Variants in AFDN observed in about 807,000 individuals in gnomAD.
AFDN encodes afadin.
AFDN carries 68 observed loss-of-function variants against 216.6 expected under a neutral mutation model. That is an observed-to-expected ratio of 0.31 (90% CI 0.26 to 0.38). The LOEUF (loss-of-function observed/expected upper bound fraction) is 0.38, where lower values mean the gene tolerates loss of function less well. Ranked by LOEUF, AFDN falls within the 10% of genes least tolerant of loss-of-function variation. The pLI, the probability that AFDN is intolerant of heterozygous loss-of-function variation, is 1.00. For missense variants in AFDN, 2,136 were observed against 2,342.0 expected (o/e 0.91, Z 1.82); for synonymous variants, 868 against 853.7 (o/e 1.02, Z -0.29).
At position 167,951,499 on chromosome 6, in the gene AFDN, A is replaced by G. The variant is rs745447010; in HGVS notation, c.4145A>G (p.Tyr1382Cys). 5 of 1,613,826 alleles carry G rather than the reference A, an allele frequency of 3.1e-6. No homozygotes were observed. In the African/African-American group the frequency reaches 5.3e-5, roughly 17 times the overall value. Residue 1382 changes from tyrosine to cysteine, a missense_variant, in exon 30 of 34, where the codon TAT (tyrosine) becomes TGT (cysteine). By Grantham distance (194) the Tyr-to-Cys change is radical. Coordinates refer to ENST00000683244, the MANE Select transcript of AFDN (RefSeq NM_001386888.1). The surrounding 1 kb of genome is among the most constrained non-coding windows in gnomAD (Gnocchi z 7.1). ...PPPPPPPPVH[Y>C]AGDFDGMSMD... is the part of the protein sequence containing the mutation. Reference sequence around the variant, plus strand: ...CCACCCCCGCCACCTCCAGTCCACTATGCCGGTGATTTCGATGGAATGTCC... The same window carrying G: ...CCACCCCCGCCACCTCCAGTCCACTGTGCCGGTGATTTCGATGGAATGTCC...
At chr6:167,898,531 A>G in intron 11 of AFDN, 64 bp downstream of exon 11, 1 of 1,448,412 alleles carries the variant, frequency 6.9e-7, no homozygotes, top group Non-Finnish European at 9.3e-7. Context: ...CAGATTATTC[A>G]TAGATATCTT....
At chr6:167,878,771 C>G (rs2300080) in intron 5 of AFDN, among the ~76,000 whole-genome samples, 1 of 151,986 alleles carries the variant, frequency 6.6e-6, no homozygotes, top group Non-Finnish European at 1.5e-5. Context: ...TCGCTCTGTC[C>G]GTACTGGCCA....
intron 5 of AFDN, among the ~76,000 whole-genome samples, chr6:167,880,104 T>C (rs907858747): frequency 6.6e-6 from 1 of 152,200 alleles, no homozygotes; most frequent in African/African-American, 2.4e-5. Context: ...AAAACTCCTT[T>C]AGCTTGAAGA....
intron 4 of AFDN, 94 bp downstream of exon 4, chr6:167,872,471 A>G: frequency 2.3e-6 from 3 of 1,332,210 alleles, no homozygotes; most frequent in Non-Finnish European, 2.1e-6. Flanking sequence ...TAAATTATGG[A>G]AAGGATGAGT....
chr6:167,849,914 C>G (rs1052134699), intron 1 of AFDN, among the ~76,000 whole-genome samples: 1 of 152,158 alleles, frequency 6.6e-6, no homozygotes, highest in Non-Finnish European at 1.5e-5. Flanking sequence ...GATAAGAATC[C>G]TCCTAAACAG....
intron 23 of AFDN, among the ~76,000 whole-genome samples, chr6:167,931,935 G>A (rs1358664735): frequency 6.6e-6 from 1 of 152,164 alleles, no homozygotes; most frequent in African/African-American, 2.4e-5. Context: ...GGAGCCCATG[G>A]CACCCCCTCT....
chr6:167,827,812 G>C (rs9455903), intron 1 of AFDN: 46,244 of 152,012 alleles, frequency 0.3, 8,078 homozygotes, highest in East Asian at 0.57. Context: ...GGAAAGGCGC[G>C]CCTTCTCCAC....
intron 12 of AFDN, 100 bp downstream of exon 12, chr6:167,902,486 A>T (rs1789111984): frequency 1.2e-6 from 1 of 858,432 alleles, no homozygotes. Flanking sequence ...TTTGTGGGGG[A>T]TGTGTTCCAA....
At position 167,861,765 on chromosome 6, in the gene AFDN, A is replaced by G. The variant is rs142789409; in HGVS notation, c.106-2786A>G. ...TCTGTTTTTCTTTTGGTTCTTTAAT[A>G]TCTGGTAATTTGGAATTATTTGTTG... On this transcript the variant is annotated intron_variant, in intron 1 of 33. Transcript: ENST00000683244. 9.2e-3 allele frequency among the ~76,000 whole-genome samples: 1,394 copies of G among 152,206 alleles called. 20 individuals carry two copies. The highest frequency in any genetic ancestry group is 9.8e-3 in the Non-Finnish European group (666 of 68,012).
At chr6:167,866,423 CATTT>C (rs938379634) in intron 2 of AFDN, among the ~76,000 whole-genome samples, 9 of 152,112 alleles carry the variant, frequency 5.9e-5, no homozygotes, top group African/African-American at 2.2e-4. Context: ...GCGTCTCAGT[CATTT>C]TTTAATAATG....
chr6:167,867,446 T>C (rs1170481320), intron 2 of AFDN, among the ~76,000 whole-genome samples: 1 of 151,176 alleles, frequency 6.6e-6, no homozygotes, highest in East Asian at 1.9e-4. Flanking sequence ...TTTTTTTTTT[T>C]TGAGACAGAG....
intron 8 of AFDN, 147 bp downstream of exon 8, chr6:167,891,176 C>A: frequency 1.8e-6 from 1 of 547,096 alleles, no homozygotes; most frequent in Non-Finnish European, 2.9e-6. Context: ...ACTCTCATAA[C>A]ATTTATTTCT....
intron 12 of AFDN, among the ~76,000 whole-genome samples, chr6:167,905,083 T>C (rs1273865686): frequency 2.0e-5 from 3 of 152,208 alleles, no homozygotes; most frequent in African/African-American, 7.2e-5. Flanking sequence ...CTTTTGTCTT[T>C]GCTTTTCACA....
intron 23 of AFDN, among the ~76,000 whole-genome samples, chr6:167,927,292 G>GGAGTGA (rs1433259130): frequency 1.3e-4 from 20 of 152,086 alleles, no homozygotes; most frequent in African/African-American, 4.3e-4. Context: ...ATTGTGGGTG[G>GGAGTGA]GAGTGAGAGC....
intron 3 of AFDN, 131 bp from the exon 4 acceptor site, chr6:167,872,083 C>G (rs909197248): frequency 2.4e-6 from 2 of 831,384 alleles, no homozygotes; most frequent in Non-Finnish European, 3.9e-6. Flanking sequence ...TCTCATTACT[C>G]CAGACCTTCC....
At position 167,962,814 on chromosome 6, in the gene AFDN, G is replaced by T; in HGVS notation, c.4968+247G>T. 1 of 1,348,362 alleles carries T rather than the reference G, an allele frequency of 7.4e-7. No individual in the cohort carries two copies. The allele number at this position is 1,348,362 out of a possible 1,614,324, so 83.5% of individuals were successfully genotyped here. ...TCTCCTTCAAACTTCTGAACTCTTGGGCGTGTGTAGCAGTGAGCCTCTTTG... is the reference window on the plus strand; with the variant it reads ...TCTCCTTCAAACTTCTGAACTCTTGTGCGTGTGTAGCAGTGAGCCTCTTTG... On this transcript the variant is annotated intron_variant, in intron 31 of 33. Transcript: ENST00000683244. This position sits in a 1 kb window ranked among gnomAD's most constrained non-coding sequence, Gnocchi z 5.2.
chr6:167,896,089 G>A (rs1019893237), intron 9 of AFDN, among the ~76,000 whole-genome samples: 3 of 152,116 alleles, frequency 2.0e-5, no homozygotes, highest in Non-Finnish European at 4.4e-5. Context: ...TGAAGAGTGA[G>A]AAAACATGTC....
intron 1 of AFDN, among the ~76,000 whole-genome samples, chr6:167,831,608 T>C (rs1779840046): frequency 6.6e-6 from 1 of 152,232 alleles, no homozygotes; most frequent in Admixed American, 6.5e-5. Context: ...ATAAGTGTTA[T>C]AACTGTAGAC....
At chr6:167,885,078 T>G (rs1459323248) in intron 6 of AFDN, among the ~76,000 whole-genome samples, 1 of 152,204 alleles carries the variant, frequency 6.6e-6, no homozygotes, top group African/African-American at 2.4e-5. Context: ...CTTCAGACTT[T>G]TCTTCTGCAT....
Sources: gnomAD v4.1 joint callset for allele counts (sites outside exome capture counted in the v4.1 genomes callset) on GRCh38, gnomAD v4.1.1 for gene constraint, Gnocchi (gnomAD v3.1) non-coding constraint, MANE v1.5 for transcripts, NCBI Gene and HGNC (gene_info 2026-07-23, HGNC 2026-07-21) for gene names.